Variants in GET1 observed in about 807,000 individuals in gnomAD.
GET1 encodes guided entry of tail-anchored proteins factor 1, also known as congenital heart disease 5 protein.
In GET1, 20 loss-of-function variants were observed where a neutral mutation model predicts 22.6. The ratio of observed to expected loss-of-function variants is 0.89; its 90% CI spans 0.62 to 1.29. The LOEUF (loss-of-function observed/expected upper bound fraction) is 1.29, where lower values mean the gene tolerates loss of function less well. Among genes scored for constraint, GET1 ranks in the 50% most tolerant of loss-of-function variants. GET1 has a pLI of 0.00. For missense variants in GET1, 209 were observed against 219.9 expected (o/e 0.95, Z 0.31); for synonymous variants, 92 against 83.8 (o/e 1.10, Z -0.53).
At chr21:39,387,742 T>A in intron 1 of GET1, 1 of 977,288 alleles carries the variant, frequency 1.0e-6, no homozygotes. Context: ...GCGGCATCAC[T>A]GGGCGGGTCA....
downstream of GET1, chr21:39,410,048 T>C (rs1386856494): frequency 6.2e-6 from 10 of 1,611,424 alleles, no homozygotes; most frequent in Non-Finnish European, 7.6e-6. Flanking sequence ...TCATGATTTA[T>C]TTCAGTTGAT....
intron 1 of GET1, chr21:39,414,184 G>C (rs1377743233): frequency 1.3e-5 from 2 of 152,294 alleles, no homozygotes; most frequent in Non-Finnish European, 1.5e-5. Flanking sequence ...AAGCACAAAG[G>C]GTATCAAGGA....
downstream of GET1, among the ~76,000 whole-genome samples, chr21:39,408,884 T>C (rs757313541): frequency 2.0e-5 from 3 of 152,222 alleles, no homozygotes; most frequent in Non-Finnish European, 4.4e-5. Flanking sequence ...TGGAAGTCTT[T>C]ATTCAAAAGT....
intron 4 of GET1, among the ~76,000 whole-genome samples, chr21:39,396,202 C>G (rs2038633060): frequency 6.6e-6 from 1 of 152,092 alleles, no homozygotes; most frequent in Non-Finnish European, 1.5e-5. Flanking sequence ...TTGAGACTAG[C>G]CTGACCTACA....
chr21:39,393,562 A>ACACTAGC (rs1320717321), intron 4 of GET1, among the ~76,000 whole-genome samples: 2 of 152,256 alleles, frequency 1.3e-5, no homozygotes, highest in East Asian at 3.9e-4. Flanking sequence ...CCCCATTGAA[A>ACACTAGC]CACTAGCCGT....
chr21:39,398,397 G>A (rs932348547), downstream of GET1, among the ~76,000 whole-genome samples: 3 of 152,230 alleles, frequency 2.0e-5, no homozygotes, highest in South Asian at 4.1e-4. Context: ...TCACTCATCC[G>A]CATACAGTGT....
At chr21:39,420,962 T>C in intron 1 of GET1, 2 of 724,234 alleles carry the variant, frequency 2.8e-6, no homozygotes, top group Non-Finnish European at 4.5e-6. Context: ...TTTTAGTGAA[T>C]GACTTATACA....
rs542782545 is a variant in GET1, at chr21:39,394,423, A to C, written c.451+1143A>C. On this transcript the variant is annotated intron_variant, in intron 4 of 4. Coordinates refer to ENST00000649170, the MANE Select transcript of GET1 (RefSeq NM_004627.6). ...TTTCCCCATTTATTTTGATATAGTT[A>C]AGGTCACCTGGCACATCACATGTTG... Among the ~76,000 whole-genome samples, 6 of 152,318 alleles carry C rather than the reference A, an allele frequency of 3.9e-5. No individual in the cohort carries two copies. In the South Asian group the frequency reaches 1.0e-3, roughly 26 times the overall value.
exon 5 of GET1, chr21:39,406,424 C>A: frequency 6.2e-7 from 1 of 1,614,096 alleles, no homozygotes; most frequent in Non-Finnish European, 8.5e-7. Context: ...TTAAACTTTT[C>A]TCTTACTAGA....
intron 1 of GET1, among the ~76,000 whole-genome samples, chr21:39,382,943 TA>T (rs2037643180): frequency 6.6e-6 from 1 of 152,118 alleles, no homozygotes; most frequent in Non-Finnish European, 1.5e-5. Flanking sequence ...TTATTCTTTT[TA>T]TTTTTTTATT....
chr21:39,393,416 G>A (rs1310176968), intron 4 of GET1, 136 bp downstream of exon 4: 2 of 675,918 alleles, frequency 3.0e-6, no homozygotes, highest in South Asian at 1.9e-5. Context: ...AGCCTCACAT[G>A]AGGCTTCCCA....
chr21:39,385,480 C>T (rs2037825657), intron 1 of GET1, among the ~76,000 whole-genome samples: 1 of 152,170 alleles, frequency 6.6e-6, no homozygotes, highest in East Asian at 1.9e-4. Flanking sequence ...TTCCTGGGAT[C>T]GCTCCCTTCT....
intron 1 of GET1, among the ~76,000 whole-genome samples, chr21:39,384,611 G>T: frequency 6.6e-6 from 1 of 150,744 alleles, no homozygotes; most frequent in South Asian, 2.1e-4. Context: ...ACATGTGCGG[G>T]TTTGTTATAT....
intron 1 of GET1, among the ~76,000 whole-genome samples, chr21:39,425,078 T>C (rs1466909374): frequency 6.6e-6 from 1 of 152,208 alleles, no homozygotes; most frequent in Non-Finnish European, 1.5e-5. Context: ...TATGTAAATG[T>C]ATATGTGGTG....
intron 1 of GET1, among the ~76,000 whole-genome samples, chr21:39,386,825 T>C (rs1193580044): frequency 6.6e-6 from 1 of 150,452 alleles, no homozygotes; most frequent in East Asian, 2.0e-4. Context: ...CATTGATACA[T>C]ATTTGCAAAT....
chr21:39,383,489 C>T (rs982056811), intron 1 of GET1, among the ~76,000 whole-genome samples: 64 of 151,246 alleles, frequency 4.2e-4, no homozygotes, highest in African/African-American at 1.4e-3. Flanking sequence ...ACCATGTTGG[C>T]CAGGCTGGTC....
In GET1 at chr21:39,411,722, T is replaced by C. The variant is rs141775709; in HGVS notation, c.*23+785T>C. The C allele has an allele frequency of 2.2e-5, 32 of 1,460,470 alleles. No individual in the cohort carries two copies. In the African/African-American group the frequency reaches 4.4e-4, roughly 20 times the overall value. The allele number at this position is 1,460,470 out of a possible 1,614,324, so 90.5% of individuals were successfully genotyped here. A position where few individuals can be genotyped will look rare whatever the true frequency, so the allele number is the denominator to read the frequency against. On this transcript the variant is annotated intron_variant, in intron 1 of 1. Transcript: ENST00000478273. ...GCAAAAGTAATTAAAACATACCTTTTGGATAGTCCTCTGTGTCATGTAAAT... is the reference window on the plus strand; with the variant it reads ...GCAAAAGTAATTAAAACATACCTTTCGGATAGTCCTCTGTGTCATGTAAAT...
exon 5 of GET1, chr21:39,406,457 T>C (rs2039080887): frequency 6.2e-7 from 1 of 1,613,952 alleles, no homozygotes; most frequent in African/African-American, 1.3e-5. Flanking sequence ...TTGCTTTCTC[T>C]TTCAGGATGA....
intron 4 of GET1, 110 bp downstream of exon 4, chr21:39,393,390 C>T (rs758095003): frequency 5.5e-5 from 48 of 878,542 alleles, no homozygotes; most frequent in African/African-American, 8.4e-5. Context: ...ATTTAGTGAG[C>T]GGGGTTTTGT....
Sources: gnomAD v4.1 joint callset for allele counts (sites outside exome capture counted in the v4.1 genomes callset) on GRCh38, gnomAD v4.1.1 for gene constraint, MANE v1.5 for transcripts, NCBI Gene and HGNC (gene_info 2026-07-23, HGNC 2026-07-21) for gene names.